Variants in CEBPZ observed in about 807,000 individuals in gnomAD.
CEBPZ encodes the protein CCAAT/enhancer-binding protein zeta.
CEBPZ carries 78 observed loss-of-function variants against 104.5 expected under a neutral mutation model. That is an observed-to-expected ratio of 0.75 (90% CI 0.62 to 0.90). The LOEUF (loss-of-function observed/expected upper bound fraction) is 0.90, where lower values mean the gene tolerates loss of function less well. CEBPZ is among the 40% of genes least tolerant of loss of function. The pLI is 0.00. For synonymous variants in CEBPZ, 470 were observed against 427.0 expected (o/e 1.10, Z -1.24); for missense variants, 1,439 against 1,233.5 (o/e 1.17, Z -2.50).
At chr2:37,210,928 A>G in intron 13 of CEBPZ, 71 bp downstream of exon 13, 1 of 1,106,716 alleles carries the variant, frequency 9.0e-7, no homozygotes, top group Non-Finnish European at 1.3e-6. Context: ...AGGAGAGTTC[A>G]TTTCCCAAAA....
intron 4 of CEBPZ, among the ~76,000 whole-genome samples, 161 bp downstream of exon 4, chr2:37,222,219 G>C (rs1664785877): frequency 6.6e-6 from 1 of 152,172 alleles, no homozygotes; most frequent in South Asian, 2.1e-4. Context: ...GGGAGGCGGA[G>C]GTTGCAGTGA....
chr2:37,221,314 T>C (rs1170643338), intron 4 of CEBPZ, among the ~76,000 whole-genome samples: 2 of 152,128 alleles, frequency 1.3e-5, no homozygotes, highest in Non-Finnish European at 2.9e-5. Flanking sequence ...AGTGAGACCC[T>C]GTCTCAAAAA....
intron 13 of CEBPZ, among the ~76,000 whole-genome samples, chr2:37,208,502 A>G (rs986160195): frequency 6.6e-6 from 1 of 152,226 alleles, no homozygotes; most frequent in African/African-American, 2.4e-5. Flanking sequence ...ACGCAAGTCA[A>G]TAAATATGAT....
chr2:37,212,606 C>T, intron 10 of CEBPZ: 2 of 538,370 alleles, frequency 3.7e-6, no homozygotes, highest in Non-Finnish European at 6.5e-6. Flanking sequence ...AAAGAAGGAT[C>T]CAGTTAATTT....
chr2:37,214,480 C>A (rs757129264), intron 9 of CEBPZ, among the ~76,000 whole-genome samples: 1 of 151,928 alleles, frequency 6.6e-6, no homozygotes, highest in African/African-American at 2.4e-5. Context: ...ATATTAAAAT[C>A]TATATTAAAG....
In CEBPZ at chr2:37,212,160, C is replaced by G. The variant is rs1315307513; in HGVS notation, c.2604-121G>C. ...GAAGGAGAAAGCTTTGCAGACTGCT[C>G]AGAGTAAATAATAACGTGCTTTATA... On this transcript the variant is annotated intron_variant, in intron 11 of 15. Transcript: ENST00000234170. The G allele has an allele frequency of 1.9e-5, 19 of 1,006,970 alleles. 1 individual carries two copies. The highest frequency in any genetic ancestry group is 1.0e-4 in the Admixed American group (4 of 38,690). 62.4% of individuals were successfully genotyped at this position (1,006,970 alleles called of 1,614,324 possible).
chr2:37,219,376 T>C (rs772030429), intron 5 of CEBPZ, among the ~76,000 whole-genome samples: 3 of 151,430 alleles, frequency 2.0e-5, no homozygotes, highest in Non-Finnish European at 4.4e-5. Context: ...TAATTCTCCC[T>C]GTGTCATCAT....
At chr2:37,214,642 C>G (rs191502672) in intron 9 of CEBPZ, among the ~76,000 whole-genome samples, 8 of 152,040 alleles carry the variant, frequency 5.3e-5, no homozygotes, top group Non-Finnish European at 1.5e-5. Flanking sequence ...AGCAAAATGA[C>G]GGATTTGTAA....
chr2:37,205,061 G>A (rs1165923122), intron 13 of CEBPZ, among the ~76,000 whole-genome samples: 1 of 152,168 alleles, frequency 6.6e-6, no homozygotes. Flanking sequence ...ATACTCAAGG[G>A]AAGACAAAAT....
chr2:37,231,317 C>A, intron 1 of CEBPZ, 95 bp downstream of exon 1: 1 of 1,568,562 alleles, frequency 6.4e-7, no homozygotes, highest in African/African-American at 1.3e-5. Flanking sequence ...TGGACGCCCG[C>A]GCTCTACGCA....
chr2:37,218,033 C>G (rs535176831), intron 5 of CEBPZ, among the ~76,000 whole-genome samples: 1 of 150,982 alleles, frequency 6.6e-6, no homozygotes, highest in African/African-American at 2.4e-5. Flanking sequence ...TTTGGGAGGC[C>G]GAGGCGGGCG....
At chr2:37,224,679 C>G (rs1384987532) in intron 2 of CEBPZ, among the ~76,000 whole-genome samples, 1 of 152,086 alleles carries the variant, frequency 6.6e-6, no homozygotes, top group African/African-American at 2.4e-5. Flanking sequence ...AGAGACATGT[C>G]TCTATCATTT....
In CEBPZ at chr2:37,201,837, A is replaced by G. The variant is rs775049974; in HGVS notation, c.3092T>C (p.Ile1031Thr). ...DWLHNRDAKS[I>T]IKKKKHFKKK... ...TTTAAAATGTTTCTTTTTCTTGATG[A>G]TACTTTTTGCATCTCTGTTGTGTAG... Residue 1031 changes from isoleucine to threonine, a missense_variant, in exon 16 of 16, where the codon ATC (isoleucine) becomes ACC (threonine). Physicochemically the swap from Ile to Thr is moderately conservative, Grantham distance 89. Transcript: ENST00000234170. 10 of 1,611,130 alleles carry G rather than the reference A, an allele frequency of 6.2e-6. No individual in the cohort carries two copies. The highest frequency in any genetic ancestry group is 8.5e-6 in the Non-Finnish European group (10 of 1,177,508).
At chr2:37,204,751 C>T (rs1253029547) in intron 13 of CEBPZ, 1 of 152,184 alleles carries the variant, frequency 6.6e-6, no homozygotes, top group East Asian at 1.9e-4. Flanking sequence ...TTCCTTGCCT[C>T]TTTTTGTTTC....
chr2:37,228,496 T>C lies in CEBPZ; in HGVS notation c.697A>G (p.Thr233Ala), dbSNP rs996788360. ...KTNSQKGASS[T>A]WMKAIVSSGT... Reference sequence around the variant, plus strand: ...GATGACACAATTGCCTTCATCCAGGTAGAAGAGGCTCCCTTTTGACTATTC... The same window carrying C: ...GATGACACAATTGCCTTCATCCAGGCAGAAGAGGCTCCCTTTTGACTATTC... The change falls in exon 2 of 16, where the codon ACC becomes GCC. Residue 233 changes from threonine to alanine, a missense_variant. Physicochemically the swap from Thr to Ala is moderately conservative, Grantham distance 58 (BLOSUM62 0). Coordinates refer to ENST00000234170, the MANE Select transcript of CEBPZ (RefSeq NM_005760.3). 1.2e-6 allele frequency: 2 copies of C among 1,614,124 alleles called. No homozygotes were observed. The highest frequency in any genetic ancestry group is 1.3e-5 in the African/African-American group (1 of 74,942).
At position 37,228,963 on chromosome 2, in the gene CEBPZ, T is replaced by C. The variant is rs1558479490; in HGVS notation, c.230A>G (p.Asp77Gly). The C allele has an allele frequency of 8.1e-6, 13 of 1,605,196 alleles. No individual in the cohort carries two copies. Among genetic ancestry groups the C allele is most frequent in the Non-Finnish European group, 9.3e-6 (11 of 1,177,408 alleles). Residue 77 changes from aspartate to glycine, a missense_variant, in exon 2 of 16, where the codon GAT (aspartate) becomes GGT (glycine). Coordinates refer to ENST00000234170, the MANE Select transcript of CEBPZ (RefSeq NM_005760.3). ...VIDGGKKGAIDDLQQGELEAF... is the reference protein window; with the variant it reads ...VIDGGKKGAIGDLQQGELEAF... ...TTCCAATTCACCTTGCTGAAGGTCA[T>C]CGATTGCTCCTTTTTTGCCTCCATC...
rs777807438 is a variant in CEBPZ at position 37,228,237 on chromosome 2, GA to G, written c.955del (p.Ser319ProfsTer12). 1.4e-5 allele frequency: 23 copies of G among 1,614,190 alleles called. No individual in the cohort carries two copies. Among genetic ancestry groups the G allele is most frequent in the Non-Finnish European group, 1.9e-5 (23 of 1,180,034 alleles). On this transcript the variant is annotated frameshift_variant, in exon 2 of 16. Transcript: ENST00000234170. LOFTEE classifies it high-confidence loss of function. Reference sequence around the variant, plus strand: ...ATCTCTTGAGTCCTTGTTGCCACTGGACAACTGTTCCAGTTTGTCAAAAGGA... The same window carrying G: ...ATCTCTTGAGTCCTTGTTGCCACTGGCAACTGTTCCAGTTTGTCAAAAGGA... Reference protein sequence around the residue: ...QRPFDKLEQLSSGNKDSRDRR... With the variant: ...QRPFDKLEQLXSGNKDSRDRR...
intron 5 of CEBPZ, among the ~76,000 whole-genome samples, chr2:37,218,229 C>T (rs374311981): frequency 2.7e-5 from 4 of 150,416 alleles, no homozygotes; most frequent in South Asian, 4.2e-4. Flanking sequence ...ATCGCACCAC[C>T]GCACTCCAGC....
intron 13 of CEBPZ, chr2:37,210,188 C>G (rs1387267781): frequency 6.6e-6 from 1 of 152,168 alleles, no homozygotes; most frequent in East Asian, 1.9e-4. Context: ...GGAATGTAAA[C>G]TAGTACAACC....
Sources: gnomAD v4.1 joint callset for allele counts (sites outside exome capture counted in the v4.1 genomes callset) on GRCh38, gnomAD v4.1.1 for gene constraint, MANE v1.5 for transcripts, NCBI Gene and HGNC (gene_info 2026-07-23, HGNC 2026-07-21) for gene names.